PKN2: variants seen among roughly 807,000 people sequenced by gnomAD.
The protein encoded by PKN2 is protein kinase N2, also known as serine/threonine-protein kinase N2.
In PKN2, 38 loss-of-function variants were observed where a neutral mutation model predicts 119.1. The observed-to-expected ratio is 0.32, with a 90% CI of 0.25 to 0.42. PKN2 has a LOEUF of 0.42. Among genes scored for constraint, PKN2 ranks in the 10% least tolerant of loss-of-function variants. The pLI is 1.00. For missense variants in PKN2, 850 were observed against 1,165.1 expected (o/e 0.73, Z 3.94); for synonymous variants, 390 against 384.9 (o/e 1.01, Z -0.15).
chr1:88,752,948 T>C (rs2100766925), intron 2 of PKN2, among the ~76,000 whole-genome samples: 1 of 152,316 alleles, frequency 6.6e-6, no homozygotes, highest in Non-Finnish European at 1.5e-5. Context: ...TTTGTGCCTT[T>C]AATGTTTCTT....
In PKN2 at chr1:88,773,019, C is replaced by G. The variant is rs75717335; in HGVS notation, c.985+1140C>G. Among the ~76,000 whole-genome samples, 767 of 152,140 alleles carry G rather than the reference C, an allele frequency of 5.0e-3. 3 individuals carry two copies. Among genetic ancestry groups the G allele is most frequent in the African/African-American group, 0.017 (722 of 41,502 alleles). ...TGTATGTTTACAATTTTTATATCTT[C>G]TAGACGGATTGACTCCTTTACCTTT... On this transcript the variant is annotated intron_variant, in intron 6 of 21. Transcript: ENST00000370521.
Position 88,771,797 on chromosome 1 carries a change from A to G in PKN2, c.903A>G (p.Ala301=), listed in dbSNP as rs1669903708. ...TTGAAGAACTTTCACTTGTTGCTGC[A>G]TCACCAACACTAAGTCCACGTCAAA... ...IIIEELSLVA[A]SPTLSPRQSM... Residue 301 remains alanine, a synonymous_variant, in exon 6 of 22, where the codon GCA becomes GCG. Coordinates refer to ENST00000370521, the MANE Select transcript of PKN2 (RefSeq NM_006256.4). The G allele has an allele frequency of 6.2e-7, 1 of 1,613,734 alleles. No homozygotes were observed.
At position 88,775,828 on chromosome 1, in the gene PKN2, A is replaced by G. The variant is rs188722510; in HGVS notation, c.985+3949A>G. Reference sequence around the variant, plus strand: ...AATACAGAAATATTGGCTTCTGGCCAGGCGCAGTGGCTCACGCCTGTAATC... The same window carrying G: ...AATACAGAAATATTGGCTTCTGGCCGGGCGCAGTGGCTCACGCCTGTAATC... On this transcript the variant is annotated intron_variant, in intron 6 of 21. Coordinates refer to ENST00000370521, the MANE Select transcript of PKN2 (RefSeq NM_006256.4). Among the ~76,000 whole-genome samples, 18 of 152,346 alleles carry G rather than the reference A, an allele frequency of 1.2e-4. No individual in the cohort carries two copies. In the East Asian group the frequency reaches 3.3e-3, roughly 28 times the overall value.
chr1:88,702,945 T>C (rs1666830513), intron 1 of PKN2, among the ~76,000 whole-genome samples: 1 of 152,182 alleles, frequency 6.6e-6, no homozygotes, highest in East Asian at 1.9e-4. Flanking sequence ...TGATATTTTG[T>C]GTAAACTTTT....
At chr1:88,792,407 A>C (rs1199878037) in intron 8 of PKN2, among the ~76,000 whole-genome samples, 2 of 152,104 alleles carry the variant, frequency 1.3e-5, no homozygotes, top group Non-Finnish European at 2.9e-5. Context: ...CGTCTCAAAA[A>C]ATAAATAAAT....
intron 1 of PKN2, among the ~76,000 whole-genome samples, chr1:88,734,172 A>G (rs1165521506): frequency 6.6e-6 from 1 of 152,010 alleles, no homozygotes; most frequent in African/African-American, 2.4e-5. Context: ...AAAAAAAAAA[A>G]AAAAATTTGG....
chr1:88,714,985 G>A (rs190092591), intron 1 of PKN2, among the ~76,000 whole-genome samples: 130 of 152,246 alleles, frequency 8.5e-4, no homozygotes, highest in African/African-American at 2.7e-3. Flanking sequence ...AGTATGAAGC[G>A]CTGTTGAATT....
At chr1:88,749,884 A>G (rs1488850485) in intron 2 of PKN2, among the ~76,000 whole-genome samples, 1 of 152,222 alleles carries the variant, frequency 6.6e-6, no homozygotes. Context: ...TTAATGCAGT[A>G]AACAGTGTTT....
chr1:88,794,094 A>G (rs1670958028), intron 8 of PKN2, among the ~76,000 whole-genome samples: 1 of 151,972 alleles, frequency 6.6e-6, no homozygotes. Context: ...CCTGTTGGGC[A>G]CGGTGGCTCA....
At chr1:88,735,603 C>T in intron 1 of PKN2, among the ~76,000 whole-genome samples, 1 of 3,450 alleles carries the variant, frequency 2.9e-4, no homozygotes, top group Non-Finnish European at 4.9e-4. Flanking sequence ...TGACAGCCCA[C>T]CCCCCCCCCC....
intron 1 of PKN2, among the ~76,000 whole-genome samples, chr1:88,691,763 A>G (rs1666342882): frequency 6.6e-6 from 1 of 152,186 alleles, no homozygotes; most frequent in Non-Finnish European, 1.5e-5. Flanking sequence ...CCCATGGTCA[A>G]CTGTGGTCCA....
At chr1:88,702,769 T>G (rs761044814) in intron 1 of PKN2, among the ~76,000 whole-genome samples, 1 of 152,182 alleles carries the variant, frequency 6.6e-6, no homozygotes, top group Non-Finnish European at 1.5e-5. Context: ...TCATGAGATA[T>G]TCTAGTTTCA....
At chr1:88,821,322 G>T (rs1183348740) in intron 16 of PKN2, among the ~76,000 whole-genome samples, 1 of 151,874 alleles carries the variant, frequency 6.6e-6, no homozygotes, top group Non-Finnish European at 1.5e-5. Flanking sequence ...TTTTTCCTCT[G>T]GATCTCTACC....
chr1:88,733,953 A>G (rs1276419365), intron 1 of PKN2, among the ~76,000 whole-genome samples: 2 of 152,166 alleles, frequency 1.3e-5, no homozygotes, highest in Admixed American at 1.3e-4. Context: ...TGATGCCATC[A>G]GTTCAAGACC....
chr1:88,726,036 T>C (rs1039510744), intron 1 of PKN2, among the ~76,000 whole-genome samples: 5 of 152,216 alleles, frequency 3.3e-5, no homozygotes, highest in African/African-American at 1.2e-4. Context: ...ATGATTATTT[T>C]TGTATATGGC....
intron 8 of PKN2, among the ~76,000 whole-genome samples, chr1:88,793,686 C>T (rs1670939104): frequency 6.6e-6 from 1 of 152,108 alleles, no homozygotes; most frequent in African/African-American, 2.4e-5. Flanking sequence ...TCCATGGATG[C>T]TCAAGTCCTT....
chr1:88,695,187 G>A (rs1666492438), intron 1 of PKN2, among the ~76,000 whole-genome samples: 2 of 150,096 alleles, frequency 1.3e-5, no homozygotes, highest in South Asian at 4.2e-4. Flanking sequence ...TTAAAATAGA[G>A]CACTTTTCAG....
chr1:88,796,926 C>CTT (rs983424985), intron 8 of PKN2, among the ~76,000 whole-genome samples: 171 of 140,710 alleles, frequency 1.2e-3, no homozygotes, highest in Non-Finnish European at 1.7e-3. Context: ...TTTGCTCAAC[C>CTT]TTTTTTTTTT....
intron 11 of PKN2, 99 bp from the exon 12 acceptor site, chr1:88,805,791 TC>T: frequency 1.2e-6 from 2 of 1,604,756 alleles, no homozygotes; most frequent in Non-Finnish European, 1.7e-6. Flanking sequence ...AAAGTAGTGT[TC>T]TGTTTACTTA....
Sources: allele counts gnomAD v4.1 joint callset (sites outside exome capture counted in the v4.1 genomes callset), GRCh38; gene constraint gnomAD v4.1.1; transcripts MANE v1.5; gene names NCBI Gene and HGNC (gene_info 2026-07-23, HGNC 2026-07-21).